The following SBF2 variants were observed in gnomAD, a reference collection of about 807,000 sequenced individuals.
SBF2 encodes the protein SET binding factor 2.
In SBF2, 112 loss-of-function variants were observed where a neutral mutation model predicts 225.2. The observed-to-expected ratio is 0.50, with a 90% CI of 0.43 to 0.58. The LOEUF is 0.58. Ranked by LOEUF, SBF2 falls within the 20% of genes least tolerant of loss-of-function variation. The probability of loss-of-function intolerance (pLI) is 0.00; values close to 1 mark genes in which losing one functional copy is unlikely to be tolerated. For missense variants in SBF2, 1,996 were observed against 2,206.2 expected (o/e 0.90, Z 1.91); for synonymous variants, 763 against 773.3 (o/e 0.99, Z 0.22).
At chr11:10,160,102 A>C (rs1476669548) in intron 2 of SBF2, among the ~76,000 whole-genome samples, 4 of 152,176 alleles carry the variant, frequency 2.6e-5, no homozygotes, top group Admixed American at 2.6e-4. Context: ...GACACTCAAA[A>C]TGTAAAAGAA....
rs750656969 is a variant in SBF2 at position 9,789,340 on chromosome 11, A to C, written c.4701T>G (p.Ala1567=). ...NYLYSPLEIE[A]LKPNVNVSSL... ...TAGAGACGTTTACATTGGGCTTTAGAGCCTGTTAAAGAAAACAGAAATATA... is the reference window on the plus strand; with the variant it reads ...TAGAGACGTTTACATTGGGCTTTAGCGCCTGTTAAAGAAAACAGAAATATA... The change falls in exon 35 of 40, where the codon GCT becomes GCG. Residue 1567 remains alanine (A), a splice_region_variant and synonymous_variant. Coordinates refer to ENST00000256190, the MANE Select transcript of SBF2 (RefSeq NM_030962.4). 2 of 1,611,458 alleles carry C rather than the reference A, an allele frequency of 1.2e-6. No homozygotes were observed. The highest frequency in any genetic ancestry group is 1.7e-6 in the Non-Finnish European group (2 of 1,177,590).
intron 16 of SBF2, among the ~76,000 whole-genome samples, chr11:9,903,819 G>T (rs1309990690): frequency 6.6e-6 from 1 of 152,084 alleles, no homozygotes; most frequent in Non-Finnish European, 1.5e-5. Context: ...GCCCATCTGT[G>T]GCTTTCTTCC....
chr11:9,889,283 TG>T (rs1860601077), intron 17 of SBF2, among the ~76,000 whole-genome samples: 1 of 152,210 alleles, frequency 6.6e-6, no homozygotes, highest in Non-Finnish European at 1.5e-5. Flanking sequence ...TTCATACAAA[TG>T]ACACAGATTA....
chr11:9,789,733 G>A (rs978377929), intron 34 of SBF2, among the ~76,000 whole-genome samples: 3 of 152,098 alleles, frequency 2.0e-5, no homozygotes, highest in Non-Finnish European at 4.4e-5. Flanking sequence ...GTATACCCCA[G>A]CCCACAAAGT....
chr11:9,783,218 T>C (rs1425388459), intron 38 of SBF2: 1 of 152,200 alleles, frequency 6.6e-6, no homozygotes, highest in African/African-American at 2.4e-5. Flanking sequence ...GGCTCTATGA[T>C]TTCAGAGTAT....
rs190334423 is a variant in SBF2 at position 10,264,436 on chromosome 11, C to T, written c.55+29579G>A. ...GAGCAGAAGGATAGCATCTAGGCTG[C>T]CATCCCATCTTAGTATAATTGCTCA... On this transcript the variant is annotated intron_variant, in intron 1 of 39. Transcript: ENST00000256190. 9.7e-4 allele frequency among the ~76,000 whole-genome samples: 148 copies of T among 152,078 alleles called. 1 individual carries two copies. The Middle Eastern group carries it at 0.01, about 10-fold the overall frequency.
intron 2 of SBF2, among the ~76,000 whole-genome samples, chr11:10,131,381 C>T (rs1031485810): frequency 1.3e-5 from 2 of 152,058 alleles, no homozygotes; most frequent in African/African-American, 4.8e-5. Flanking sequence ...GTGTCTTTTG[C>T]ACATTTTCTA....
intron 25 of SBF2, among the ~76,000 whole-genome samples, chr11:9,841,253 A>C (rs1856115838): frequency 6.6e-6 from 1 of 152,222 alleles, no homozygotes; most frequent in Non-Finnish European, 1.5e-5. Context: ...GGAGCAAAGA[A>C]CATTATATAA....
At chr11:10,229,977 C>T (rs1331785732) in intron 1 of SBF2, among the ~76,000 whole-genome samples, 1 of 152,080 alleles carries the variant, frequency 6.6e-6, no homozygotes, top group Non-Finnish European at 1.5e-5. Context: ...TAAGGACTTG[C>T]TTTATGAATC....
Position 9,851,153 on chromosome 11 carries a change from C to CAA in SBF2, c.2611-937_2611-936dup, listed in dbSNP as rs1224795653. ...TCCATCTCAAAAAAAAAAAAAACAA[C>CAA]AACAAAAAAAAACCCAGAATACATA... is the stretch of plus-strand genomic sequence containing the variant. On this transcript the variant is annotated intron_variant, in intron 21 of 39. Transcript: ENST00000256190. Among the ~76,000 whole-genome samples, 7 of 120,812 alleles carry CAA rather than the reference C, an allele frequency of 5.8e-5. 1 individual carries two copies. Among genetic ancestry groups the CAA allele is most frequent in the South Asian group, 2.7e-4 (1 of 3,646 alleles). 79.3% of individuals were successfully genotyped at this position (120,812 alleles called of 152,430 possible).
At chr11:9,974,546 C>T (rs1946589880) in intron 13 of SBF2, among the ~76,000 whole-genome samples, 1 of 151,324 alleles carries the variant, frequency 6.6e-6, no homozygotes, top group Non-Finnish European at 1.5e-5. Context: ...CAGTGACCAG[C>T]TAACAGTCCT....
chr11:10,225,695 C>A (rs1452530673), intron 1 of SBF2, among the ~76,000 whole-genome samples: 2 of 152,070 alleles, frequency 1.3e-5, no homozygotes, highest in Non-Finnish European at 2.9e-5. Flanking sequence ...CATGAAAGTT[C>A]TTAAAATAAC....
intron 16 of SBF2, among the ~76,000 whole-genome samples, chr11:9,943,671 A>G (rs1865410010): frequency 6.6e-6 from 1 of 152,098 alleles, no homozygotes; most frequent in Admixed American, 6.5e-5. Flanking sequence ...GATAATTACA[A>G]TGATATGTCC....
chr11:9,841,495 C>T (rs1375454045), intron 25 of SBF2, among the ~76,000 whole-genome samples: 2 of 151,778 alleles, frequency 1.3e-5, no homozygotes, highest in African/African-American at 4.8e-5. Flanking sequence ...CATGTTCTCA[C>T]CCAGGGCATG....
At chr11:10,242,721 G>T (rs1390007938) in intron 1 of SBF2, among the ~76,000 whole-genome samples, 2 of 152,006 alleles carry the variant, frequency 1.3e-5, no homozygotes, top group African/African-American at 4.8e-5. Context: ...TAGACTTTAT[G>T]TCAAAAACTG....
intron 1 of SBF2, among the ~76,000 whole-genome samples, chr11:10,256,788 G>A (rs562723652): frequency 6.6e-6 from 1 of 152,178 alleles, no homozygotes; most frequent in South Asian, 2.1e-4. Flanking sequence ...TTCTACTCCT[G>A]ACCTGGAAAA....
At chr11:10,302,644 T>C (rs7927874) in intron 1 of SBF2, 62,470 of 152,214 alleles carry the variant, frequency 0.41, 13,518 homozygotes, top group Non-Finnish European at 0.47. Flanking sequence ...TTTTTGAAGC[T>C]GCCTGCAGCT....
At chr11:10,116,478 C>T (rs963292490) in intron 2 of SBF2, among the ~76,000 whole-genome samples, 2 of 152,220 alleles carry the variant, frequency 1.3e-5, no homozygotes, top group Non-Finnish European at 2.9e-5. Flanking sequence ...ATACTCTCTT[C>T]TAAATTTTTC....
chr11:10,163,010 GA>G (rs1955817461), intron 2 of SBF2, among the ~76,000 whole-genome samples: 1 of 152,078 alleles, frequency 6.6e-6, no homozygotes, highest in Admixed American at 6.6e-5. Flanking sequence ...AAATATCAGG[GA>G]ATGTATGAGG....
Sources: gnomAD v4.1 joint callset for allele counts (sites outside exome capture counted in the v4.1 genomes callset) on GRCh38, gnomAD v4.1.1 for gene constraint, MANE v1.5 for transcripts, NCBI Gene and HGNC (gene_info 2026-07-23, HGNC 2026-07-21) for gene names.